Variants in KRABD1 observed in about 807,000 individuals in gnomAD.
KRABD1 encodes the protein KRAB domain-containing protein 1.
the KRABD1 span, among the ~76,000 whole-genome samples, chr3:42,940,888 C>T: frequency 2.6e-5 from 4 of 152,170 alleles, no homozygotes; most frequent in Admixed American, 1.3e-4. Flanking sequence ...CAGCTATGTT[C>T]GGGGGTCAGT....
chr3:42,942,070 A>G, the KRABD1 span: 1 of 1,530,606 alleles, frequency 6.5e-7, no homozygotes, highest in Non-Finnish European at 8.8e-7. Context: ...CAGGCTGGAT[A>G]GGTGAGTTAA....
chr3:42,942,156 GC>G, the KRABD1 span: 1 of 947,590 alleles, frequency 1.1e-6, no homozygotes, highest in Non-Finnish European at 1.6e-6. Context: ...TGTTCTCTGT[GC>G]CCAGCATCAT....
At chr3:42,941,913 A>G in the KRABD1 span, 13 of 1,223,710 alleles carry the variant, frequency 1.1e-5, no homozygotes, top group Admixed American at 2.0e-5. Flanking sequence ...TTTGACCCCT[A>G]TGACTATGCT....
chr3:42,941,434 C>T, the KRABD1 span: 25 of 1,398,230 alleles, frequency 1.8e-5, no homozygotes, highest in East Asian at 1.3e-4. Context: ...CCCCAAATAG[C>T]GATGTCAAAG....
the KRABD1 span, chr3:42,936,500 G>C: frequency 6.6e-6 from 1 of 152,280 alleles, no homozygotes. Flanking sequence ...GAGGGAGGCG[G>C]GTGTGGCTAC....
the KRABD1 span, chr3:42,938,484 A>G: frequency 5.8e-6 from 1 of 173,228 alleles, no homozygotes; most frequent in African/African-American, 2.4e-5. Context: ...ACTCATTCTT[A>G]TCTGTACTGT....
the KRABD1 span, chr3:42,938,063 A>C: frequency 6.6e-6 from 1 of 152,224 alleles, no homozygotes; most frequent in Non-Finnish European, 1.5e-5. Context: ...TTGAAAGGCA[A>C]AAGACTTACT....
the KRABD1 span, chr3:42,941,171 A>G: frequency 6.6e-7 from 1 of 1,517,350 alleles, no homozygotes; most frequent in Non-Finnish European, 8.8e-7. Context: ...TCATTGGCAG[A>G]TTTGACCATC....
chr3:42,942,618 C>T, the KRABD1 span: 1 of 1,423,304 alleles, frequency 7.0e-7, no homozygotes, highest in Non-Finnish European at 9.3e-7. Context: ...TCGAAATCGT[C>T]AATGCTGGGA....
chr3:42,940,612 TGCA>T, the KRABD1 span, among the ~76,000 whole-genome samples: 1 of 152,196 alleles, frequency 6.6e-6, no homozygotes, highest in Non-Finnish European at 1.5e-5. Context: ...TTGAGCCTTA[TGCA>T]CCAAGTTGGT....
chr3:42,941,770 T>A, the KRABD1 span, among the ~76,000 whole-genome samples: 1 of 152,222 alleles, frequency 6.6e-6, no homozygotes, highest in East Asian at 1.9e-4. Context: ...TGTTTCAGGC[T>A]TCCTTGGAAG....
At chr3:42,940,633 C>T in the KRABD1 span, among the ~76,000 whole-genome samples, 1 of 152,116 alleles carries the variant, frequency 6.6e-6, no homozygotes, top group Non-Finnish European at 1.5e-5. Flanking sequence ...GGTCTAGACC[C>T]TAGCCTTTCT....
chr3:42,938,666 A>G, the KRABD1 span: 1 of 403,670 alleles, frequency 2.5e-6, no homozygotes, highest in Non-Finnish European at 4.6e-6. Context: ...CATTCCGTGG[A>G]TGATTCTACC....
the KRABD1 span, chr3:42,941,346 T>C: frequency 6.3e-7 from 1 of 1,591,012 alleles, no homozygotes; most frequent in South Asian, 1.1e-5. Flanking sequence ...GGCTGTGGCC[T>C]TTGTAGGTAA....
the KRABD1 span, chr3:42,938,955 G>C: frequency 5.9e-6 from 9 of 1,520,108 alleles, no homozygotes; most frequent in Non-Finnish European, 7.9e-6. Flanking sequence ...TTCTATCTCT[G>C]TACATATCCC....
the KRABD1 span, chr3:42,942,095 C>T: frequency 1.4e-6 from 2 of 1,456,332 alleles, no homozygotes; most frequent in Non-Finnish European, 9.3e-7. Flanking sequence ...GAGGGTTCTT[C>T]TCCAGCTTTG....
the KRABD1 span, chr3:42,941,978 G>C: frequency 6.5e-7 from 1 of 1,535,838 alleles, no homozygotes; most frequent in Non-Finnish European, 8.7e-7. Flanking sequence ...TTCCAAACCA[G>C]CTTTGGTCTC....
the KRABD1 span, chr3:42,941,873 C>G: frequency 3.7e-6 from 3 of 814,564 alleles, no homozygotes; most frequent in African/African-American, 5.1e-5. Flanking sequence ...CCTCACCTCC[C>G]TTGCTTGTTC....
the KRABD1 span, chr3:42,942,497 T>A: frequency 1.8e-6 from 1 of 548,262 alleles, no homozygotes; most frequent in Non-Finnish European, 3.0e-6. Flanking sequence ...TATACTGAAA[T>A]ATTTTAAGCT....
Sources: allele counts gnomAD v4.1 joint callset (sites outside exome capture counted in the v4.1 genomes callset), GRCh38; gene constraint gnomAD v4.1.1; transcripts MANE v1.5; gene names NCBI Gene and HGNC (gene_info 2026-07-23, HGNC 2026-07-21).